The following ZAP70 variants were observed in gnomAD, a reference collection of about 807,000 sequenced individuals.
The protein encoded by ZAP70 is tyrosine-protein kinase ZAP-70.
ZAP70 carries 27 observed loss-of-function variants against 65.8 expected under a neutral mutation model. That is an observed-to-expected ratio of 0.41 (90% CI 0.30 to 0.57). ZAP70 has a LOEUF of 0.57. Among genes scored for constraint, ZAP70 ranks in the 20% least tolerant of loss-of-function variants. The pLI, the probability that ZAP70 is intolerant of heterozygous loss-of-function variation, is 0.28. For synonymous variants in ZAP70, 363 were observed against 360.8 expected (o/e 1.01, Z -0.07); for missense variants, 696 against 870.5 (o/e 0.80, Z 2.52).
chr2:97,715,826 C>T lies in ZAP70; in HGVS notation c.-22+1832C>T, dbSNP rs1439654439. Among the ~76,000 whole-genome samples, 1 of 152,204 alleles carries T rather than the reference C, an allele frequency of 6.6e-6. No individual in the cohort carries two copies. Among genetic ancestry groups the T allele is most frequent in the Non-Finnish European group, 1.5e-5 (1 of 68,042 alleles). On this transcript the variant is annotated intron_variant, in intron 2 of 13. Transcript: ENST00000264972. This position sits in a 1 kb window ranked among gnomAD's most constrained non-coding sequence, Gnocchi z 4.1. ...AATTAGAATAAATGGCTAATGCTCG[C>T]AAAGGGTAGTGCAGTCCCCAGCACA...
At chr2:97,717,033 G>A (rs1330702816) in intron 2 of ZAP70, among the ~76,000 whole-genome samples, 1 of 152,246 alleles carries the variant, frequency 6.6e-6, no homozygotes, top group Non-Finnish European at 1.5e-5. Context: ...GGAGGAGCCT[G>A]CAGCCATGGC....
chr2:97,749,606 A>G, the ZAP70 span, among the ~76,000 whole-genome samples: 1 of 152,180 alleles, frequency 6.6e-6, no homozygotes. Context: ...GAATGCATGA[A>G]AATTTGCAGC....
intron 4 of ZAP70, among the ~76,000 whole-genome samples, chr2:97,729,228 T>C (rs545916764): frequency 6.6e-6 from 1 of 152,330 alleles, no homozygotes; most frequent in South Asian, 2.1e-4. Flanking sequence ...GAAGTTATGA[T>C]TTAGACCAGT....
Position 97,734,398 on chromosome 2 carries a change from C to T in ZAP70, c.890-122C>T, listed in dbSNP as rs148202842. The stretch of plus-strand genomic sequence containing the variant: ...GTGCAGGAACACGCATGGGCACCCA[C>T]CTGCTTGTGCATGCTCCAGGGACGG... On this transcript the variant is annotated intron_variant, in intron 8 of 13. Transcript: ENST00000264972. The T allele has an allele frequency of 1.6e-4, 230 of 1,451,910 alleles. No homozygotes were observed. The African/African-American group carries it at 2.2e-3, about 14-fold the overall frequency. The allele number at this position is 1,451,910 out of a possible 1,614,324, so 89.9% of individuals were successfully genotyped here. A position where few individuals can be genotyped will look rare whatever the true frequency, so the allele number is the denominator to read the frequency against.
In ZAP70 at chr2:97,737,720, C is replaced by G; in HGVS notation, c.1483-37C>G. 1 of 1,614,090 alleles carries G rather than the reference C, an allele frequency of 6.2e-7. No homozygotes were observed. Among genetic ancestry groups the G allele is most frequent in the Non-Finnish European group, 8.5e-7 (1 of 1,179,998 alleles). ...GGATGGGCTGGGTGGGTAGAGGGTC[C>G]CTGACCCCTGATCCAGCAGCATCTC... On this transcript the variant is annotated intron_variant, in intron 11 of 13. Transcript: ENST00000264972. The surrounding 1 kb of genome is among the most constrained non-coding windows in gnomAD (Gnocchi z 5.0).
downstream of ZAP70, among the ~76,000 whole-genome samples, chr2:97,743,424 G>A (rs922786868): frequency 5.9e-5 from 9 of 152,106 alleles, no homozygotes; most frequent in Non-Finnish European, 1.0e-4. Flanking sequence ...CAATCTCCAC[G>A]TTCCGGGTTC....
At chr2:97,754,623 G>T in the ZAP70 span, among the ~76,000 whole-genome samples, 1 of 152,128 alleles carries the variant, frequency 6.6e-6, no homozygotes, top group Non-Finnish European at 1.5e-5. Flanking sequence ...GGGTAGTCTA[G>T]AACACCTGAC....
chr2:97,730,416 T>C (rs547332033), intron 4 of ZAP70, among the ~76,000 whole-genome samples: 11 of 152,320 alleles, frequency 7.2e-5, no homozygotes, highest in African/African-American at 2.4e-4. Flanking sequence ...CTCACTCACA[T>C]GAATGGCTAT....
At chr2:97,747,848 T>TTG in the ZAP70 span, among the ~76,000 whole-genome samples, 1 of 134,038 alleles carries the variant, frequency 7.5e-6, no homozygotes, top group Non-Finnish European at 1.6e-5. Context: ...TTTTTTTTTT[T>TTG]GCTATTGGTG....
chr2:97,753,575 G>A, the ZAP70 span, among the ~76,000 whole-genome samples: 1 of 152,032 alleles, frequency 6.6e-6, no homozygotes, highest in African/African-American at 2.4e-5. Flanking sequence ...ATTATTTCAG[G>A]TTGTCATGAA....
chr2:97,715,986 CAG>C lies in ZAP70; in HGVS notation c.-22+1995_-22+1996del, dbSNP rs1676894401. ...CTGGTGAGGGACTGAGGAGCAGAGA[CAG>C]AGGCCATCAGGGCTGTGATGTGGGA... On this transcript the variant is annotated intron_variant, in intron 2 of 13. Transcript: ENST00000264972. This position sits in a 1 kb window ranked among gnomAD's most constrained non-coding sequence, Gnocchi z 4.1. Among the ~76,000 whole-genome samples the C allele has an allele frequency of 6.6e-6, 1 of 152,138 alleles. No individual in the cohort carries two copies. The highest frequency in any genetic ancestry group is 6.5e-5 in the Admixed American group (1 of 15,274).
intron 4 of ZAP70, among the ~76,000 whole-genome samples, chr2:97,727,770 C>T (rs1423613966): frequency 6.6e-6 from 1 of 152,178 alleles, no homozygotes; most frequent in Non-Finnish European, 1.5e-5. Context: ...TTCATCCCCA[C>T]CATCTCTGCC....
rs1444463945 is a variant in ZAP70 at position 97,737,185 on chromosome 2, T to A, written c.1290-288T>A. On this transcript the variant is annotated intron_variant, in intron 10 of 13. Coordinates refer to ENST00000264972, the MANE Select transcript of ZAP70 (RefSeq NM_001079.4). The surrounding 1 kb of genome is among the most constrained non-coding windows in gnomAD (Gnocchi z 5.0). The stretch of plus-strand genomic sequence containing the variant: ...CAATCAGGCCACATTATCTTTGAGA[T>A]GCCTGTGAGACCTCAGCACGTCGAG... Among the ~76,000 whole-genome samples, 1 of 152,084 alleles carries A rather than the reference T, an allele frequency of 6.6e-6. No homozygotes were observed. The highest frequency in any genetic ancestry group is 1.5e-5 in the Non-Finnish European group (1 of 68,008).
intron 4 of ZAP70, among the ~76,000 whole-genome samples, chr2:97,730,827 A>G (rs1677567793): frequency 6.6e-6 from 1 of 152,152 alleles, no homozygotes; most frequent in Non-Finnish European, 1.5e-5. Flanking sequence ...AGGCCGAGGC[A>G]GGTGGATCAC....
chr2:97,740,935 C>T (rs1267722114), downstream of ZAP70, among the ~76,000 whole-genome samples: 1 of 152,180 alleles, frequency 6.6e-6, no homozygotes. Context: ...AGGGGGTCAT[C>T]GCCATCATGG....
intron 2 of ZAP70, among the ~76,000 whole-genome samples, chr2:97,719,229 C>A (rs1285786904): frequency 6.6e-6 from 1 of 151,534 alleles, no homozygotes; most frequent in Non-Finnish European, 1.5e-5. Flanking sequence ...TGGTGGAGAT[C>A]AAAGGAGATG....
intron 9 of ZAP70, 178 bp downstream of exon 9, chr2:97,734,890 G>A (rs1375053944): frequency 3.4e-6 from 3 of 889,026 alleles, no homozygotes; most frequent in Admixed American, 2.3e-5. Flanking sequence ...GACACCTGAC[G>A]GGGGTGGGAT....
chr2:97,722,972 T>C (rs1395896754), intron 2 of ZAP70, among the ~76,000 whole-genome samples: 1 of 152,200 alleles, frequency 6.6e-6, no homozygotes, highest in African/African-American at 2.4e-5. Flanking sequence ...AATGAACACA[T>C]CTTAAGTGTA....
Position 97,736,063 on chromosome 2 carries a change from C to CA in ZAP70, c.1289+608dup, listed in dbSNP as rs1317920756. Among the ~76,000 whole-genome samples the CA allele has an allele frequency of 6.6e-6, 1 of 152,150 alleles. No homozygotes were observed. The highest frequency in any genetic ancestry group is 2.4e-5 in the African/African-American group (1 of 41,424). On this transcript the variant is annotated intron_variant, in intron 10 of 13. Transcript: ENST00000264972. This position sits in a 1 kb window ranked among gnomAD's most constrained non-coding sequence, Gnocchi z 4.0. ...GCACTGCTAGTAAGAGCTTTGTACA[C>CA]ATCAGCTGCTCCCCAGACTCCCTGG...
Sources: gnomAD v4.1 joint callset for allele counts (sites outside exome capture counted in the v4.1 genomes callset) on GRCh38, gnomAD v4.1.1 for gene constraint, Gnocchi (gnomAD v3.1) non-coding constraint, MANE v1.5 for transcripts, NCBI Gene and HGNC (gene_info 2026-07-23, HGNC 2026-07-21) for gene names.